KCND3: variants seen among roughly 807,000 people sequenced by gnomAD.
The protein encoded by KCND3 is potassium voltage-gated channel subfamily D member 3.
Under a neutral mutation model 51.1 loss-of-function variants are expected in KCND3, and 9 were observed. That is an observed-to-expected ratio of 0.18 (90% CI 0.11 to 0.31). The LOEUF is 0.31. Among genes scored for constraint, KCND3 ranks in the 10% least tolerant of loss-of-function variants. The probability of loss-of-function intolerance (pLI) is 1.00; values close to 1 mark genes in which losing one functional copy is unlikely to be tolerated. For missense variants in KCND3, 526 were observed against 903.8 expected, an observed-to-expected ratio of 0.58 and a Z score of 5.36; for synonymous variants, 349 against 368.0, an observed-to-expected ratio of 0.95 and a Z score of 0.59.
intron 2 of KCND3, among the ~76,000 whole-genome samples, chr1:111,864,126 G>A (rs1056731104): frequency 9.2e-5 from 14 of 152,272 alleles, no homozygotes; most frequent in African/African-American, 3.4e-4. Context: ...GGTGGCTGGT[G>A]TGGGGCTAGA....
In KCND3 at chr1:111,876,241, C is replaced by T. The variant is rs193090661; in HGVS notation, c.1107-89135G>A. Among the ~76,000 whole-genome samples the T allele has an allele frequency of 3.2e-3, 492 of 152,364 alleles. 1 individual carries two copies. The highest frequency in any genetic ancestry group is 5.2e-3 in the Non-Finnish European group (351 of 68,040). On this transcript the variant is annotated intron_variant, in intron 2 of 7. Transcript: ENST00000302127. ...TCCCTTCACCTGTCTGCCTCAGTTTCCACATCTGCAAAATGATCCTTTTCG... is the reference window on the plus strand; with the variant it reads ...TCCCTTCACCTGTCTGCCTCAGTTTTCACATCTGCAAAATGATCCTTTTCG...
chr1:111,788,984 C>T (rs967170985), intron 2 of KCND3, among the ~76,000 whole-genome samples: 2 of 152,150 alleles, frequency 1.3e-5, no homozygotes, highest in Admixed American at 6.5e-5. Flanking sequence ...TTGGTTGTCC[C>T]AAGTTCAAAT....
intron 2 of KCND3, among the ~76,000 whole-genome samples, chr1:111,799,946 C>T (rs1193644690): frequency 8.5e-5 from 13 of 152,178 alleles, no homozygotes; most frequent in Non-Finnish European, 5.9e-5. Context: ...CCTGGCCAGC[C>T]GCCCCGTCCG....
chr1:111,832,621 G>A (rs1011112540), intron 2 of KCND3, among the ~76,000 whole-genome samples: 1 of 152,078 alleles, frequency 6.6e-6, no homozygotes, highest in Non-Finnish European at 1.5e-5. Context: ...TGGTTACCTA[G>A]ACTCAGAACT....
intron 2 of KCND3, among the ~76,000 whole-genome samples, chr1:111,839,487 C>G (rs938481927): frequency 6.6e-6 from 1 of 152,244 alleles, no homozygotes; most frequent in Non-Finnish European, 1.5e-5. Context: ...CCCCAAGGAG[C>G]AGTCCTTTAC....
rs1663889946 is a variant in KCND3 at position 111,770,922 on chromosome 1, TAGAAA to T, written c.*5150_*5154del. On this transcript the variant is annotated 3_prime_UTR_variant, in exon 8 of 8. Transcript: ENST00000302127. ...GCAAAGCCCATTTATTATACGAAAATAGAAAAGAACACACTTGATGTATCTCACGA... is the reference window on the plus strand; with the variant it reads ...GCAAAGCCCATTTATTATACGAAAATAGAACACACTTGATGTATCTCACGA... 1.3e-5 allele frequency: 2 copies of T among 151,932 alleles called. No individual in the cohort carries two copies. The highest frequency in any genetic ancestry group is 1.3e-4 in the Admixed American group (2 of 15,244). 9.4% of individuals were successfully genotyped at this position (151,932 alleles called of 1,614,324 possible). A position where few individuals can be genotyped will look rare whatever the true frequency, so the allele number is the denominator to read the frequency against.
intron 2 of KCND3, among the ~76,000 whole-genome samples, chr1:111,802,284 C>T (rs1665346343): frequency 6.6e-6 from 1 of 152,166 alleles, no homozygotes; most frequent in Admixed American, 6.5e-5. Context: ...CTGTCAACAC[C>T]ACAGCCTTCC....
chr1:111,816,992 A>C (rs1354585400), intron 2 of KCND3, among the ~76,000 whole-genome samples: 1 of 152,146 alleles, frequency 6.6e-6, no homozygotes, highest in East Asian at 1.9e-4. Flanking sequence ...TGCACACATC[A>C]ATGTTTTTAA....
intron 2 of KCND3, among the ~76,000 whole-genome samples, chr1:111,818,273 G>A (rs1172379952): frequency 6.6e-6 from 1 of 152,226 alleles, no homozygotes. Context: ...GGATCTGCCT[G>A]CGCCAGGGCC....
Position 111,814,488 on chromosome 1 carries a change from GA to G in KCND3, c.1107-27383del, listed in dbSNP as rs1023893896. 5.3e-4 allele frequency among the ~76,000 whole-genome samples: 80 copies of G among 152,344 alleles called. 1 individual carries two copies. The highest frequency in any genetic ancestry group is 1.9e-3 in the African/African-American group (80 of 41,572). On this transcript the variant is annotated intron_variant, in intron 2 of 7. Coordinates refer to ENST00000302127, the MANE Select transcript of KCND3 (RefSeq NM_001378969.1). Reference sequence around the variant, plus strand: ...TGTATCCTGAGGCCTGAACTGTGTCGACATAACTTAGCACGAGCTCTGCGTA... The same window carrying G: ...TGTATCCTGAGGCCTGAACTGTGTCGCATAACTTAGCACGAGCTCTGCGTA...
intron 2 of KCND3, among the ~76,000 whole-genome samples, chr1:111,802,877 G>T (rs922023833): frequency 6.6e-6 from 1 of 151,844 alleles, no homozygotes; most frequent in African/African-American, 2.4e-5. Flanking sequence ...CATGCTTCTG[G>T]GTTTGGTTTG....
intron 2 of KCND3, among the ~76,000 whole-genome samples, chr1:111,916,405 A>G (rs1671220112): frequency 6.6e-6 from 1 of 152,218 alleles, no homozygotes; most frequent in African/African-American, 2.4e-5. Flanking sequence ...AGTCAATGGT[A>G]TGTAGTAGCT....
chr1:111,838,756 A>C lies in KCND3; in HGVS notation c.1107-51650T>G, dbSNP rs146624544. 1.4e-3 allele frequency among the ~76,000 whole-genome samples: 218 copies of C among 152,328 alleles called. 3 individuals carry two copies. Among genetic ancestry groups the C allele is most frequent in the Admixed American group, 0.011 (168 of 15,306 alleles). ...GGCCAAAGACAGAGACCTCTTCACA[A>C]ATCACCTTTTAAGATGTTCTGTTGA... On this transcript the variant is annotated intron_variant, in intron 2 of 7. Transcript: ENST00000302127.
chr1:111,901,270 C>T (rs1198569511), intron 2 of KCND3, among the ~76,000 whole-genome samples: 1 of 152,178 alleles, frequency 6.6e-6, no homozygotes, highest in Non-Finnish European at 1.5e-5. Flanking sequence ...TTTAATTTAA[C>T]AAGTTTATAT....
At chr1:111,877,915 C>A (rs887990169) in intron 2 of KCND3, among the ~76,000 whole-genome samples, 1 of 152,152 alleles carries the variant, frequency 6.6e-6, no homozygotes, top group Non-Finnish European at 1.5e-5. Context: ...AGAATAATGG[C>A]CAACATTTAC....
At chr1:111,848,346 G>T (rs1211009729) in intron 2 of KCND3, among the ~76,000 whole-genome samples, 1 of 152,158 alleles carries the variant, frequency 6.6e-6, no homozygotes, top group Non-Finnish European at 1.5e-5. Flanking sequence ...TTGTGGGTGG[G>T]CACCTACAGA....
intron 2 of KCND3, among the ~76,000 whole-genome samples, chr1:111,883,767 T>C (rs1669441979): frequency 6.6e-6 from 1 of 152,232 alleles, no homozygotes. Context: ...TATTCAGTGC[T>C]TATCAGATTC....
chr1:111,852,735 A>G (rs954997546), intron 2 of KCND3, among the ~76,000 whole-genome samples: 12 of 152,194 alleles, frequency 7.9e-5, no homozygotes, highest in Admixed American at 1.3e-4. Context: ...GAAAAATAAA[A>G]TTGCTGAAGT....
rs746203364 is a variant in KCND3, at chr1:111,982,765, T to C, written c.-39A>G. ...CTTGGGCCGGCAGCCGCGCGGACGC[T>C]AGGCACACCAGCTTGGAGTTAGTTC... On this transcript the variant is annotated 5_prime_UTR_variant, in exon 2 of 8. Coordinates refer to ENST00000302127, the MANE Select transcript of KCND3 (RefSeq NM_001378969.1). The surrounding 1 kb of genome is among the most constrained non-coding windows in gnomAD (Gnocchi z 8.5). 1.3e-6 allele frequency: 2 copies of C among 1,577,018 alleles called. No individual in the cohort carries two copies. The highest frequency in any genetic ancestry group is 1.7e-6 in the Non-Finnish European group (2 of 1,168,734).
Sources: gnomAD v4.1 joint callset for allele counts (sites outside exome capture counted in the v4.1 genomes callset) on GRCh38, gnomAD v4.1.1 for gene constraint, Gnocchi (gnomAD v3.1) non-coding constraint, MANE v1.5 for transcripts, NCBI Gene and HGNC (gene_info 2026-07-23, HGNC 2026-07-21) for gene names.